Variants in STX17 observed in about 807,000 individuals in gnomAD.
STX17 encodes syntaxin 17.
In STX17, 29 loss-of-function variants were observed where a neutral mutation model predicts 35.9. The ratio of observed to expected loss-of-function variants is 0.81; its 90% CI spans 0.60 to 1.10. The LOEUF is 1.10. Among genes scored for constraint, STX17 ranks in the 50% least tolerant of loss-of-function variants. The probability of loss-of-function intolerance (pLI) is 0.00; values close to 1 mark genes in which losing one functional copy is unlikely to be tolerated. For missense variants in STX17, 312 were observed against 352.3 expected (o/e 0.89, Z 0.92); for synonymous variants, 92 against 118.3 (o/e 0.78, Z 1.44).
At chr9:99,911,183 A>G (rs946838581) in intron 1 of STX17, among the ~76,000 whole-genome samples, 1 of 152,020 alleles carries the variant, frequency 6.6e-6, no homozygotes, top group African/African-American at 2.4e-5. Flanking sequence ...ATACAGGTGC[A>G]TGCCACCACG....
At chr9:99,931,536 C>G (rs1278484976) in intron 3 of STX17, among the ~76,000 whole-genome samples, 1 of 149,870 alleles carries the variant, frequency 6.7e-6, no homozygotes, top group Non-Finnish European at 1.5e-5. Flanking sequence ...CAAACTGATT[C>G]AGAGGCTATG....
intron 2 of STX17, among the ~76,000 whole-genome samples, chr9:99,926,435 A>G (rs10117828): frequency 0.69 from 104,757 of 151,946 alleles, 36,381 homozygotes; most frequent in African/African-American, 0.72. Context: ...TTTTTAATTT[A>G]TTTAAATATT....
At chr9:99,958,261 C>A (rs1385456546) in intron 4 of STX17, among the ~76,000 whole-genome samples, 1 of 152,146 alleles carries the variant, frequency 6.6e-6, no homozygotes, top group African/African-American at 2.4e-5. Flanking sequence ...TTTCTGTTCA[C>A]CCTCAGGCTT....
intron 3 of STX17, among the ~76,000 whole-genome samples, chr9:99,932,770 A>C (rs986402907): frequency 2.0e-5 from 3 of 152,194 alleles, no homozygotes; most frequent in African/African-American, 4.8e-5. Flanking sequence ...AGTTTTACTC[A>C]TATCTGCTCT....
chr9:99,931,808 T>G (rs1829131495), intron 3 of STX17, among the ~76,000 whole-genome samples: 1 of 152,244 alleles, frequency 6.6e-6, no homozygotes, highest in Non-Finnish European at 1.5e-5. Context: ...TCTTTTTTTC[T>G]GCTATTATGA....
intron 6 of STX17, among the ~76,000 whole-genome samples, chr9:99,966,939 C>T (rs1342573670): frequency 2.0e-5 from 3 of 152,180 alleles, no homozygotes; most frequent in African/African-American, 7.2e-5. Context: ...TCCTTCTACC[C>T]AGAGATTCCA....
chr9:99,909,961 G>T (rs1363781291), intron 1 of STX17, among the ~76,000 whole-genome samples: 5 of 152,164 alleles, frequency 3.3e-5, no homozygotes, highest in Admixed American at 2.0e-4. Flanking sequence ...AGCTGGGCAT[G>T]GTGCCTCACA....
chr9:99,928,855 A>G lies in STX17; in HGVS notation c.189+12A>G, dbSNP rs1829046828. 2.5e-6 allele frequency: 4 copies of G among 1,611,752 alleles called. No individual in the cohort carries two copies. Among genetic ancestry groups the G allele is most frequent in the Non-Finnish European group, 2.5e-6 (3 of 1,178,522 alleles). ...GACGTACAGTTCAGGTAAGGCTATT[A>G]TATTTTTTCTGCTAAATCAGTATGA... is the stretch of plus-strand genomic sequence containing the variant. On this transcript the variant is annotated intron_variant, in intron 3 of 7. Transcript: ENST00000259400.
chr9:99,964,386 A>G (rs576342166), intron 6 of STX17, among the ~76,000 whole-genome samples: 2 of 152,258 alleles, frequency 1.3e-5, no homozygotes, highest in African/African-American at 2.4e-5. Flanking sequence ...ATCCGTAGAC[A>G]TATTCTTAGA....
At chr9:99,916,743 T>G (rs1393183379) in intron 2 of STX17, among the ~76,000 whole-genome samples, 1 of 152,208 alleles carries the variant, frequency 6.6e-6, no homozygotes, top group Non-Finnish European at 1.5e-5. Context: ...AAGCAATAAG[T>G]AATACTGTGA....
At chr9:99,934,831 A>G (rs561443197) in intron 3 of STX17, among the ~76,000 whole-genome samples, 67 of 152,358 alleles carry the variant, frequency 4.4e-4, no homozygotes, top group African/African-American at 1.5e-3. Context: ...CATTAAATAC[A>G]TAATTAGCCA....
intron 1 of STX17, among the ~76,000 whole-genome samples, chr9:99,909,054 T>C (rs567307698): frequency 1.3e-5 from 2 of 152,368 alleles, no homozygotes; most frequent in Admixed American, 6.5e-5. Context: ...TCTTCAGTCC[T>C]AGTATACACA....
chr9:99,918,194 A>G (rs779992643), intron 2 of STX17, among the ~76,000 whole-genome samples: 8 of 152,182 alleles, frequency 5.3e-5, no homozygotes, highest in Non-Finnish European at 1.2e-4. Context: ...CAGTGGTGCA[A>G]TCATAGCTCA....
chr9:99,913,314 A>G (rs550839715), intron 1 of STX17, among the ~76,000 whole-genome samples: 87 of 152,054 alleles, frequency 5.7e-4, no homozygotes, highest in African/African-American at 2.0e-3. Flanking sequence ...TCTACTTGTT[A>G]TTAAGCTTCT....
At position 99,967,656 on chromosome 9, in the gene STX17, C is replaced by G. The variant is rs1317239156; in HGVS notation, c.586C>G (p.Gln196Glu). 1 of 1,613,726 alleles carries G rather than the reference C, an allele frequency of 6.2e-7. No homozygotes were observed. Among genetic ancestry groups the G allele is most frequent in the South Asian group, 1.1e-5 (1 of 91,064 alleles). Residue 196 changes from glutamine (Q) to glutamate (E), a missense_variant, in exon 7 of 8, where the codon CAG becomes GAG. Gln to Glu is a conservative substitution (Grantham distance 29). Transcript: ENST00000259400. ...VTDFSLLVNS[Q>E]QEKIDSIADH... Reference sequence around the variant, plus strand: ...CTCATAATTCCTTTGCATCTAGTCTCAGCAGGAGAAGATTGACAGCATTGC... The same window carrying G: ...CTCATAATTCCTTTGCATCTAGTCTGAGCAGGAGAAGATTGACAGCATTGC...
At chr9:99,953,550 G>A (rs954550016) in intron 4 of STX17, among the ~76,000 whole-genome samples, 2 of 152,000 alleles carry the variant, frequency 1.3e-5, no homozygotes, top group Admixed American at 1.3e-4. Flanking sequence ...GTTGAAGGCC[G>A]TTTTTATCAC....
intron 2 of STX17, among the ~76,000 whole-genome samples, chr9:99,926,635 C>A (rs999562964): frequency 6.6e-6 from 1 of 152,050 alleles, no homozygotes; most frequent in African/African-American, 2.4e-5. Flanking sequence ...GTAGCTGGGA[C>A]TACAGGTGCC....
At chr9:99,926,452 C>T (rs1192120327) in intron 2 of STX17, among the ~76,000 whole-genome samples, 9 of 150,664 alleles carry the variant, frequency 6.0e-5, no homozygotes, top group African/African-American at 2.2e-4. Flanking sequence ...TATTTTTTAG[C>T]TTTATTCTGA....
Position 99,973,053 on chromosome 9 carries a change from G to A in STX17, c.*4380G>A, listed in dbSNP as rs139744565. On this transcript the variant is annotated 3_prime_UTR_variant, in exon 8 of 8. Coordinates refer to ENST00000259400, the MANE Select transcript of STX17 (RefSeq NM_017919.3). ...AATTAATACTTTATTGTTTTTAACA[G>A]GTGGTTCTCATAATTTACATTCATT... Among the ~76,000 whole-genome samples the A allele has an allele frequency of 1.5e-3, 230 of 152,168 alleles. No homozygotes were observed. The highest frequency in any genetic ancestry group is 5.1e-3 in the African/African-American group (210 of 41,524).
Sources: gnomAD v4.1 joint callset for allele counts (sites outside exome capture counted in the v4.1 genomes callset) on GRCh38, gnomAD v4.1.1 for gene constraint, MANE v1.5 for transcripts, NCBI Gene and HGNC (gene_info 2026-07-23, HGNC 2026-07-21) for gene names.